The following SYNDIG1 variants were observed in gnomAD, a reference collection of about 807,000 sequenced individuals.
The protein encoded by SYNDIG1 is synapse differentiation-inducing gene protein 1.
SYNDIG1 carries 9 observed loss-of-function variants against 19.4 expected under a neutral mutation model. The ratio of observed to expected loss-of-function variants is 0.46; its 90% CI spans 0.28 to 0.81. The LOEUF is 0.81. Ranked by LOEUF, SYNDIG1 falls within the 30% of genes least tolerant of loss-of-function variation. SYNDIG1 has a pLI of 0.12. For missense variants in SYNDIG1, 311 were observed against 343.3 expected, an observed-to-expected ratio of 0.91 and a Z score of 0.74; for synonymous variants, 141 against 145.9, an observed-to-expected ratio of 0.97 and a Z score of 0.24.
chr20:24,518,450 G>A (rs1600502682), intron 1 of SYNDIG1, among the ~76,000 whole-genome samples: 1 of 152,184 alleles, frequency 6.6e-6, no homozygotes, highest in Admixed American at 6.5e-5. Flanking sequence ...GCTGCAGGAG[G>A]GTTCTGCTGT....
chr20:24,659,984 C>T (rs956892717), intron 3 of SYNDIG1, among the ~76,000 whole-genome samples: 1 of 152,074 alleles, frequency 6.6e-6, no homozygotes, highest in African/African-American at 2.4e-5. Context: ...ATCCATGAAC[C>T]TGTTTCCATG....
At chr20:24,527,610 C>A (rs563228215) in intron 1 of SYNDIG1, among the ~76,000 whole-genome samples, 4 of 151,278 alleles carry the variant, frequency 2.6e-5, no homozygotes, top group Non-Finnish European at 5.9e-5. Flanking sequence ...TGATCTTTCT[C>A]AGCTCATTAT....
chr20:24,630,918 C>G (rs1445270258), intron 3 of SYNDIG1, among the ~76,000 whole-genome samples: 1 of 152,236 alleles, frequency 6.6e-6, no homozygotes, highest in Non-Finnish European at 1.5e-5. Flanking sequence ...ATAAAGAACA[C>G]TCTCTAAAGA....
chr20:24,489,478 GACAC>G (rs948447833), intron 1 of SYNDIG1, among the ~76,000 whole-genome samples: 1 of 140,400 alleles, frequency 7.1e-6, no homozygotes, highest in Admixed American at 7.2e-5. Context: ...TACGTGCATG[GACAC>G]ACAGACACAT....
chr20:24,594,215 G>A (rs1361449325), intron 3 of SYNDIG1, among the ~76,000 whole-genome samples: 1 of 152,148 alleles, frequency 6.6e-6, no homozygotes, highest in African/African-American at 2.4e-5. Context: ...TGTATACAGT[G>A]TGAGGAAGGG....
chr20:24,487,922 C>T (rs2146287395), intron 1 of SYNDIG1, among the ~76,000 whole-genome samples: 1 of 152,268 alleles, frequency 6.6e-6, no homozygotes, highest in South Asian at 2.1e-4. Context: ...GCTGTCCAAA[C>T]ATGTCGGTGA....
chr20:24,533,393 T>C (rs977150707), intron 1 of SYNDIG1, among the ~76,000 whole-genome samples: 1 of 152,114 alleles, frequency 6.6e-6, no homozygotes, highest in African/African-American at 2.4e-5. Flanking sequence ...CTAATAATAT[T>C]TACAGAGCTG....
At chr20:24,504,763 A>G (rs970929416) in intron 1 of SYNDIG1, among the ~76,000 whole-genome samples, 1 of 152,220 alleles carries the variant, frequency 6.6e-6, no homozygotes, top group Non-Finnish European at 1.5e-5. Context: ...GGGGGTTGGC[A>G]TATGCTGGCT....
intron 1 of SYNDIG1, among the ~76,000 whole-genome samples, chr20:24,470,568 G>T (rs1028197351): frequency 6.6e-6 from 1 of 151,526 alleles, no homozygotes; most frequent in African/African-American, 2.5e-5. Flanking sequence ...GCCTCTTCAT[G>T]TGCACTCTCT....
intron 3 of SYNDIG1, among the ~76,000 whole-genome samples, chr20:24,659,694 G>A (rs557910023): frequency 3.3e-5 from 5 of 152,346 alleles, no homozygotes; most frequent in African/African-American, 9.6e-5. Flanking sequence ...GAGGCCTGGA[G>A]AGGGAGCCGG....
chr20:24,519,247 G>A (rs2056953140), intron 1 of SYNDIG1, among the ~76,000 whole-genome samples: 1 of 152,198 alleles, frequency 6.6e-6, no homozygotes, highest in Admixed American at 6.5e-5. Flanking sequence ...GATACTGTCC[G>A]TGAAATTGTG....
intron 2 of SYNDIG1, among the ~76,000 whole-genome samples, chr20:24,554,181 C>T (rs2057764951): frequency 6.6e-6 from 1 of 152,274 alleles, no homozygotes; most frequent in African/African-American, 2.4e-5. Context: ...GCTGAAGTTG[C>T]TTATCAGCTT....
At chr20:24,617,160 G>C (rs959860029) in intron 3 of SYNDIG1, among the ~76,000 whole-genome samples, 1 of 152,182 alleles carries the variant, frequency 6.6e-6, no homozygotes, top group African/African-American at 2.4e-5. Context: ...CCTGGGTGCT[G>C]TCCCCAGGGT....
intron 3 of SYNDIG1, among the ~76,000 whole-genome samples, chr20:24,629,496 G>A (rs981803643): frequency 6.6e-6 from 1 of 152,094 alleles, no homozygotes; most frequent in Non-Finnish European, 1.5e-5. Context: ...GGAGGCAGAG[G>A]AGGAGGAAGG....
At chr20:24,626,811 C>T (rs1454712078) in intron 3 of SYNDIG1, among the ~76,000 whole-genome samples, 3 of 152,228 alleles carry the variant, frequency 2.0e-5, no homozygotes, top group Admixed American at 2.0e-4. Context: ...AACGAGACTC[C>T]GTCTGCAATC....
In SYNDIG1 at chr20:24,649,291, C is replaced by G. The variant is rs545352740; in HGVS notation, c.619-16055C>G. The stretch of plus-strand genomic sequence containing the variant: ...CGTTTTTATGTTTACTCCCCTCATT[C>G]AGTTTATAATTTTCTTTGGTGGTTC... On this transcript the variant is annotated intron_variant, in intron 3 of 3. Coordinates refer to ENST00000376862, the MANE Select transcript of SYNDIG1 (RefSeq NM_024893.3). Among the ~76,000 whole-genome samples the G allele has an allele frequency of 2.6e-5, 4 of 152,258 alleles. No individual in the cohort carries two copies. The East Asian group carries it at 7.7e-4, about 29-fold the overall frequency.
At chr20:24,534,241 T>C (rs1376095189) in intron 1 of SYNDIG1, among the ~76,000 whole-genome samples, 1 of 152,154 alleles carries the variant, frequency 6.6e-6, no homozygotes, top group Non-Finnish European at 1.5e-5. Context: ...TGTGACTTTG[T>C]CATCATCCCT....
chr20:24,653,466 T>C (rs2059493778), intron 3 of SYNDIG1, among the ~76,000 whole-genome samples: 1 of 152,186 alleles, frequency 6.6e-6, no homozygotes, highest in Non-Finnish European at 1.5e-5. Flanking sequence ...CAGACGTTTC[T>C]TAATCCCAGC....
Position 24,613,470 on chromosome 20 carries a change from G to A in SYNDIG1, c.618+28477G>A, listed in dbSNP as rs2058880500. ...GACACAGACCTGCCCATGGACCCCAGCATGGAACCAGGACTGGGCGAGGAC... is the reference window on the plus strand; with the variant it reads ...GACACAGACCTGCCCATGGACCCCAACATGGAACCAGGACTGGGCGAGGAC... On this transcript the variant is annotated intron_variant, in intron 3 of 3. Coordinates refer to ENST00000376862, the MANE Select transcript of SYNDIG1 (RefSeq NM_024893.3). Among the ~76,000 whole-genome samples the A allele has an allele frequency of 2.0e-5, 3 of 152,254 alleles. No homozygotes were observed. In the South Asian group the frequency reaches 6.2e-4, roughly 32 times the overall value.
Sources: allele counts gnomAD v4.1 joint callset (sites outside exome capture counted in the v4.1 genomes callset), GRCh38; gene constraint gnomAD v4.1.1; transcripts MANE v1.5; gene names NCBI Gene and HGNC (gene_info 2026-07-23, HGNC 2026-07-21).